The following RPH3A variants were observed in gnomAD, a reference collection of about 807,000 sequenced individuals.
RPH3A encodes the protein rabphilin-3A.
RPH3A carries 48 observed loss-of-function variants against 102.2 expected under a neutral mutation model. The ratio of observed to expected loss-of-function variants is 0.47; its 90% confidence interval spans 0.37 to 0.60. The LOEUF is 0.60. Ranked by LOEUF, RPH3A falls within the 20% of genes least tolerant of loss-of-function variation. The pLI, the probability that RPH3A is intolerant of heterozygous loss-of-function variation, is 0.00. For missense variants in RPH3A, 781 were observed against 910.1 expected (o/e 0.86, Z 1.83); for synonymous variants, 310 against 324.3 (o/e 0.96, Z 0.47).
chr12:112,599,582 C>T (rs923336941), intron 1 of RPH3A, among the ~76,000 whole-genome samples: 3 of 152,054 alleles, frequency 2.0e-5, no homozygotes, highest in South Asian at 2.1e-4. Context: ...CAGAAGGCCC[C>T]GAATAAATGG....
At chr12:112,610,915 T>C (rs923603428) in intron 1 of RPH3A, among the ~76,000 whole-genome samples, 1 of 152,166 alleles carries the variant, frequency 6.6e-6, no homozygotes, top group Non-Finnish European at 1.5e-5. Flanking sequence ...GGATTATAGG[T>C]GTGAGCCCCC....
In RPH3A at chr12:112,897,463, C is replaced by T. The variant is rs1460089077; in HGVS notation, c.*683C>T. 1 of 152,450 alleles carries T rather than the reference C, an allele frequency of 6.6e-6. No individual in the cohort carries two copies. Among genetic ancestry groups the T allele is most frequent in the Non-Finnish European group, 1.5e-5 (1 of 68,224 alleles). 9.4% of individuals were successfully genotyped at this position (152,450 alleles called of 1,614,324 possible). Reference sequence around the variant, plus strand: ...GCAAAACAAAAACAAACGACAACAACAAAAAACCCTTCCTCTGTCACCTTT... The same window carrying T: ...GCAAAACAAAAACAAACGACAACAATAAAAAACCCTTCCTCTGTCACCTTT... On this transcript the variant is annotated 3_prime_UTR_variant, in exon 22 of 22. Transcript: ENST00000389385.
At chr12:112,758,311 C>T (rs1197155008) in intron 1 of RPH3A, among the ~76,000 whole-genome samples, 3 of 152,206 alleles carry the variant, frequency 2.0e-5, no homozygotes, top group Non-Finnish European at 4.4e-5. Flanking sequence ...ACTCTTACTT[C>T]CCTGGGATTG....
At chr12:112,639,867 T>G (rs2039874370) in intron 1 of RPH3A, among the ~76,000 whole-genome samples, 1 of 152,028 alleles carries the variant, frequency 6.6e-6, no homozygotes, top group Non-Finnish European at 1.5e-5. Context: ...TGTTGGTGGG[T>G]GCTAAGTCAT....
intron 1 of RPH3A, among the ~76,000 whole-genome samples, chr12:112,580,755 G>C (rs1443038948): frequency 6.6e-6 from 1 of 152,116 alleles, no homozygotes; most frequent in Non-Finnish European, 1.5e-5. Context: ...AGGTGGGGAA[G>C]TTAGCTAGTT....
intron 4 of RPH3A, 120 bp from the exon 5 acceptor site, chr12:112,847,576 G>A: frequency 8.9e-7 from 1 of 1,123,656 alleles, no homozygotes; most frequent in Non-Finnish European, 1.3e-6. Flanking sequence ...GAGAGGAGCA[G>A]ATTGAAGCTC....
At chr12:112,865,333 A>G in intron 5 of RPH3A, 81 bp from the exon 6 acceptor site, 2 of 1,515,340 alleles carry the variant, frequency 1.3e-6, no homozygotes, top group Non-Finnish European at 1.8e-6. Context: ...AAGAAGGTGA[A>G]GACTATCAAC....
chr12:112,891,997 C>T (rs1025079000), intron 19 of RPH3A, among the ~76,000 whole-genome samples: 24 of 152,328 alleles, frequency 1.6e-4, no homozygotes, highest in South Asian at 1.0e-3. Flanking sequence ...AAAATGGAGA[C>T]AAGAGTTCCA....
intron 1 of RPH3A, among the ~76,000 whole-genome samples, chr12:112,699,988 A>T (rs1418934736): frequency 6.6e-6 from 1 of 152,226 alleles, no homozygotes; most frequent in Non-Finnish European, 1.5e-5. Context: ...TTGTTAAATA[A>T]CTGTTAGCCA....
At chr12:112,768,875 G>A (rs2040909732) in intron 1 of RPH3A, among the ~76,000 whole-genome samples, 2 of 152,154 alleles carry the variant, frequency 1.3e-5, no homozygotes, top group African/African-American at 4.8e-5. Flanking sequence ...TTGCTCCACT[G>A]CACTCCAGCC....
In RPH3A at chr12:112,870,276, A is replaced by G. The variant is rs1294282501; in HGVS notation, c.796+237A>G. Among the ~76,000 whole-genome samples, 8 of 145,132 alleles carry G rather than the reference A, an allele frequency of 5.5e-5. No individual in the cohort carries two copies. The East Asian group carries it at 1.7e-3, about 31-fold the overall frequency. On this transcript the variant is annotated intron_variant, in intron 10 of 21. Coordinates refer to ENST00000389385, the MANE Select transcript of RPH3A (RefSeq NM_001143854.2). Reference sequence around the variant, plus strand: ...GATCCTTTTCTTGCTGTAATACCATATGTCAGAAAGCATGATTTTTTTTCT... The same window carrying G: ...GATCCTTTTCTTGCTGTAATACCATGTGTCAGAAAGCATGATTTTTTTTCT...
chr12:112,589,726 G>A lies in RPH3A; in HGVS notation c.-140+14407G>A, dbSNP rs543767641. Among the ~76,000 whole-genome samples the A allele has an allele frequency of 1.8e-4, 28 of 152,276 alleles. No individual in the cohort carries two copies. In the South Asian group the frequency reaches 5.6e-3, roughly 30 times the overall value. On this transcript the variant is annotated intron_variant, in intron 1 of 21. Transcript: ENST00000543106. Reference sequence around the variant, plus strand: ...TGCCCCTGCACCATTTGCTCCATGAGGGCAGGGACCCTGTCTGTATCCCTG... The same window carrying A: ...TGCCCCTGCACCATTTGCTCCATGAAGGCAGGGACCCTGTCTGTATCCCTG...
At chr12:112,700,831 C>A (rs368533354) in intron 1 of RPH3A, among the ~76,000 whole-genome samples, 16 of 152,294 alleles carry the variant, frequency 1.1e-4, no homozygotes, top group African/African-American at 3.1e-4. Context: ...CTGACATTGT[C>A]ACTCTTTATA....
chr12:112,701,282 G>A (rs2040392213), intron 1 of RPH3A, among the ~76,000 whole-genome samples: 1 of 152,182 alleles, frequency 6.6e-6, no homozygotes, highest in South Asian at 2.1e-4. Flanking sequence ...TAAGGAAAAG[G>A]TGTAATGATA....
chr12:112,769,909 T>C (rs2040916114), intron 1 of RPH3A, among the ~76,000 whole-genome samples: 1 of 152,224 alleles, frequency 6.6e-6, no homozygotes, highest in Admixed American at 6.5e-5. Context: ...TATCCTGTCA[T>C]ATGATAGATT....
At chr12:112,682,350 TC>T (rs1232910901) in intron 1 of RPH3A, among the ~76,000 whole-genome samples, 2 of 77,056 alleles carry the variant, frequency 2.6e-5, no homozygotes, top group Admixed American at 1.4e-4. Flanking sequence ...CTTTTTTCTT[TC>T]TTTCTTTTTT....
chr12:112,634,188 A>T (rs2039828745), intron 1 of RPH3A, among the ~76,000 whole-genome samples: 1 of 145,302 alleles, frequency 6.9e-6, no homozygotes. Context: ...CTCTACTAAA[A>T]ATACAAAAAA....
chr12:112,634,593 G>T (rs973607101), intron 1 of RPH3A, among the ~76,000 whole-genome samples: 5 of 151,784 alleles, frequency 3.3e-5, no homozygotes, highest in East Asian at 1.9e-4. Flanking sequence ...TGGATGACAG[G>T]TATGTCCATC....
At chr12:112,721,948 T>G (rs1485882413) in intron 1 of RPH3A, among the ~76,000 whole-genome samples, 1 of 152,210 alleles carries the variant, frequency 6.6e-6, no homozygotes, top group African/African-American at 2.4e-5. Flanking sequence ...AGAAATGGAT[T>G]TTAAAAGTAG....
Sources: allele counts gnomAD v4.1 joint callset (sites outside exome capture counted in the v4.1 genomes callset), GRCh38; gene constraint gnomAD v4.1.1; transcripts MANE v1.5; gene names NCBI Gene and HGNC (gene_info 2026-07-23, HGNC 2026-07-21).